Variants in AMER1 observed in about 807,000 individuals in gnomAD.
AMER1 encodes APC membrane recruitment protein 1.
In AMER1, 16 loss-of-function variants were observed where a neutral mutation model predicts 53.0. That is an observed-to-expected ratio of 0.30 (90% CI 0.20 to 0.46). AMER1 has a LOEUF of 0.46. AMER1 is among the 20% of genes least tolerant of loss of function. AMER1 has a pLI of 1.00. For missense variants in AMER1, 947 were observed against 884.9 expected (o/e 1.07, Z -0.89); for synonymous variants, 354 against 331.9 (o/e 1.07, Z -0.73).
rs901696537 is a variant in AMER1, at chrX:64,185,237, G to C, written c.*4642C>G. 6 of 159,862 alleles carry C rather than the reference G, an allele frequency of 3.8e-5. No homozygotes were observed. The highest frequency in any genetic ancestry group is 7.3e-5 in the Non-Finnish European group (6 of 82,309). The allele number at this position is 159,862 out of a possible 1,213,427, so 13.2% of individuals were successfully genotyped here. On this transcript the variant is annotated 3_prime_UTR_variant, in exon 2 of 2. Transcript: ENST00000374869. ...TGTCAGTGAGAGCTAGAAGTGGAGA[G>C]GTCAGAACCCGGGTGATTCTGTGAT...
At chrX:64,205,251 C>T (rs1460953959) in intron 1 of AMER1, among the ~76,000 whole-genome samples, 1 of 113,339 alleles carries the variant, frequency 8.8e-6, no homozygotes, top group African/African-American at 3.2e-5. Context: ...GCGCCCTTCC[C>T]GGGACTGTGC....
At position 64,193,114 on chromosome X, in the gene AMER1, T is replaced by C; in HGVS notation, c.173A>G (p.Lys58Arg). ...GPGRLKKTAM[K>R]LFGGKKGICT... The stretch of plus-strand genomic sequence containing the variant: ...GATACCCTTCTTGCCACCAAAGAGT[T>C]TCATGGCAGTTTTCTTCAGCCTACC... Residue 58 changes from lysine to arginine, a missense_variant, in exon 2 of 2, where the codon AAA (lysine) becomes AGA (arginine). By Grantham distance (26) the Lys-to-Arg change is conservative. Coordinates refer to ENST00000374869, the MANE Select transcript of AMER1 (RefSeq NM_152424.4). 1 of 1,211,970 alleles carries C rather than the reference T, an allele frequency of 8.3e-7. No individual in the cohort carries two copies.
chrX:64,200,586 T>C (rs1602071854), intron 1 of AMER1, among the ~76,000 whole-genome samples: 1 of 112,020 alleles, frequency 8.9e-6, no homozygotes, highest in Admixed American at 9.4e-5. Flanking sequence ...CCAGGGAGTC[T>C]GCTTGCTCCA....
At chrX:64,204,864 G>T in intron 1 of AMER1, among the ~76,000 whole-genome samples, 1 of 113,391 alleles carries the variant, frequency 8.8e-6, no homozygotes, top group Non-Finnish European at 1.9e-5. Flanking sequence ...GACCGCGGGG[G>T]CGGGCGCCAG....
At chrX:64,198,544 A>C (rs1930422789) in intron 1 of AMER1, among the ~76,000 whole-genome samples, 1 of 111,942 alleles carries the variant, frequency 8.9e-6, no homozygotes, top group South Asian at 3.7e-4. Flanking sequence ...TGCACTGTGC[A>C]GGCCACCAAT....
chrX:64,202,434 G>A (rs1390473198), intron 1 of AMER1, among the ~76,000 whole-genome samples: 2 of 111,777 alleles, frequency 1.8e-5, no homozygotes, highest in Non-Finnish European at 1.9e-5. Flanking sequence ...GCCACTGCAC[G>A]GGAAGCAGGA....
At position 64,189,162 on chromosome X, in the gene AMER1, C is replaced by T. The variant is rs755930835; in HGVS notation, c.*717G>A. On this transcript the variant is annotated 3_prime_UTR_variant, in exon 2 of 2. Transcript: ENST00000374869. ...CTGGTCATGATGCCAAAGTCCACAGCGATAGGCTGTGAGACACACGCTACT... is the reference window on the plus strand; with the variant it reads ...CTGGTCATGATGCCAAAGTCCACAGTGATAGGCTGTGAGACACACGCTACT... The T allele has an allele frequency of 4.5e-4, 361 of 797,527 alleles. No homozygotes were observed. Among genetic ancestry groups the T allele is most frequent in the Non-Finnish European group, 5.1e-4 (341 of 666,986 alleles). The allele number at this position is 797,527 out of a possible 1,213,427, so 65.7% of individuals were successfully genotyped here. A position where few individuals can be genotyped will look rare whatever the true frequency, so the allele number is the denominator to read the frequency against.
At position 64,188,307 on chromosome X, in the gene AMER1, C is replaced by T; in HGVS notation, c.*1572G>A. The T allele has an allele frequency of 1.2e-6, 1 of 801,752 alleles. No individual in the cohort carries two copies. The highest frequency in any genetic ancestry group is 6.3e-4 in the Middle Eastern group (1 of 1,576). 66.1% of individuals were successfully genotyped at this position (801,752 alleles called of 1,213,427 possible). A position where few individuals can be genotyped will look rare whatever the true frequency, so the allele number is the denominator to read the frequency against. On this transcript the variant is annotated 3_prime_UTR_variant, in exon 2 of 2. Coordinates refer to ENST00000374869, the MANE Select transcript of AMER1 (RefSeq NM_152424.4). ...TTCCATATGCCATTTCCAATAAAGA[C>T]ATGTAAAAGGAACCCTCTCCTACAG...
Position 64,191,447 on chromosome X carries a change from G to A in AMER1, c.1840C>T (p.His614Tyr), listed in dbSNP as rs1930242428. Reference protein sequence around the residue: ...YGREAYAREAHTWEAHGREAR... With the variant: ...YGREAYAREAYTWEAHGREAR... ...TCCCTGCCATGAGCTTCCCAAGTGT[G>A]GGCCTCCCTGGCATAGGCTTCCCTG... The change falls in exon 2 of 2, where the codon CAC becomes TAC. Residue 614 changes from histidine to tyrosine, a missense_variant. Transcript: ENST00000374869. 4 of 1,211,894 alleles carry A rather than the reference G, an allele frequency of 3.3e-6. No homozygotes were observed. Among genetic ancestry groups the A allele is most frequent in the Non-Finnish European group, 4.5e-6 (4 of 895,481 alleles).
Position 64,191,503 on chromosome X carries a change from G to A in AMER1, c.1784C>T (p.Ala595Val), listed in dbSNP as rs2147087432. The change falls in exon 2 of 2, where the codon GCC (alanine) becomes GTC (valine). Residue 595 changes from alanine to valine, a missense_variant. Physicochemically the swap from Ala to Val is moderately conservative, Grantham distance 64. Transcript: ENST00000374869. ...AGCCTCTCGAGTATAGGCCTCCCTG[G>A]CGTGGGCCTCCCTGGCATGAGCTTC... ...AREAHAREAH[A>V]REAYTREAYG... is the part of the protein sequence containing the mutation. 3 of 1,211,877 alleles carry A rather than the reference G, an allele frequency of 2.5e-6. No individual in the cohort carries two copies. The highest frequency in any genetic ancestry group is 3.4e-6 in the Non-Finnish European group (3 of 895,506).
Position 64,189,616 on chromosome X carries a change from G to T in AMER1, c.*263C>A. ...ATTACAGCATCCCAAACCCAGCGTG[G>T]GTCACAAGAAGAAACCTCGAAAGCA... On this transcript the variant is annotated 3_prime_UTR_variant, in exon 2 of 2. Coordinates refer to ENST00000374869, the MANE Select transcript of AMER1 (RefSeq NM_152424.4). The T allele has an allele frequency of 4.3e-6, 4 of 930,112 alleles. No individual in the cohort carries two copies. The highest frequency in any genetic ancestry group is 5.3e-6 in the Non-Finnish European group (4 of 752,536). The allele number at this position is 930,112 out of a possible 1,213,427, so 76.7% of individuals were successfully genotyped here.
At chrX:64,194,485 CA>C (rs1217518554) in intron 1 of AMER1, among the ~76,000 whole-genome samples, 2 of 111,749 alleles carry the variant, frequency 1.8e-5, no homozygotes, top group Non-Finnish European at 3.8e-5. Flanking sequence ...AGCCACTACC[CA>C]CCACAATATA....
chrX:64,187,433 C>T lies in AMER1; in HGVS notation c.*2446G>A. ...TCTGTGGTGTGTGACCTTCCAAAGCCCAACAAAGTGTGTCAGGGCTATGCC... is the reference window on the plus strand; with the variant it reads ...TCTGTGGTGTGTGACCTTCCAAAGCTCAACAAAGTGTGTCAGGGCTATGCC... On this transcript the variant is annotated 3_prime_UTR_variant, in exon 2 of 2. Coordinates refer to ENST00000374869, the MANE Select transcript of AMER1 (RefSeq NM_152424.4). The T allele has an allele frequency of 1.3e-6, 1 of 792,788 alleles. No individual in the cohort carries two copies. Among genetic ancestry groups the T allele is most frequent in the Non-Finnish European group, 1.5e-6 (1 of 662,431 alleles). The allele number at this position is 792,788 out of a possible 1,213,427, so 65.3% of individuals were successfully genotyped here.
rs1205241247 is a variant in AMER1 at position 64,189,514 on chromosome X, G to GTGTGTGTATA, written c.*364_*365insTATACACACA. 2.1e-4 allele frequency: 6 copies of GTGTGTGTATA among 28,062 alleles called. No homozygotes were observed. Among genetic ancestry groups the GTGTGTGTATA allele is most frequent in the African/African-American group, 1.0e-3 (6 of 5,951 alleles). 2.3% of individuals were successfully genotyped at this position (28,062 alleles called of 1,213,427 possible). A position where few individuals can be genotyped will look rare whatever the true frequency, so the allele number is the denominator to read the frequency against. On this transcript the variant is annotated 3_prime_UTR_variant, in exon 2 of 2. Transcript: ENST00000374869. The stretch of plus-strand genomic sequence containing the variant: ...TGTGTGTGTGTGTGTGTGTGTGTGT[G>GTGTGTGTATA]TATATATATATATATATATATATAT...
rs5918861 is a variant in AMER1 at position 64,186,698 on chromosome X, G to C, written c.*3181C>G. 1.2e-3 allele frequency: 958 copies of C among 773,521 alleles called. No homozygotes were observed. Among genetic ancestry groups the C allele is most frequent in the Non-Finnish European group, 1.4e-3 (935 of 651,228 alleles). The allele number at this position is 773,521 out of a possible 1,213,427, so 63.7% of individuals were successfully genotyped here. A position where few individuals can be genotyped will look rare whatever the true frequency, so the allele number is the denominator to read the frequency against. ...CTGGTGTTTACTGAACCCATTATCC[G>C]GGCAGTCTTGTGGCCTGGTACCCAA... is the stretch of plus-strand genomic sequence containing the variant. On this transcript the variant is annotated 3_prime_UTR_variant, in exon 2 of 2. Transcript: ENST00000374869.
chrX:64,188,759 G>A lies in AMER1; in HGVS notation c.*1120C>T. The A allele has an allele frequency of 1.2e-6, 1 of 802,685 alleles. No homozygotes were observed. Among genetic ancestry groups the A allele is most frequent in the African/African-American group, 2.2e-5 (1 of 45,945 alleles). The allele number at this position is 802,685 out of a possible 1,213,427, so 66.2% of individuals were successfully genotyped here. A position where few individuals can be genotyped will look rare whatever the true frequency, so the allele number is the denominator to read the frequency against. ...TCTGAAATCCCCTTTCTTGCTGGCT[G>A]TGATAAATGGACCCTCATTTTCTAT... On this transcript the variant is annotated 3_prime_UTR_variant, in exon 2 of 2. Transcript: ENST00000374869.
At position 64,190,705 on chromosome X, in the gene AMER1, C is replaced by A. The variant is rs2147085760; in HGVS notation, c.2582G>T (p.Gly861Val). The A allele has an allele frequency of 1.7e-6, 2 of 1,209,621 alleles. No homozygotes were observed. Among genetic ancestry groups the A allele is most frequent in the Non-Finnish European group, 2.2e-6 (2 of 894,437 alleles). The change falls in exon 2 of 2, where the codon GGC becomes GTC. Residue 861 changes from glycine (G) to valine (V), a missense_variant. Transcript: ENST00000374869. ...FNNYHSRFYQ[G>V]LPWGVSSLPR... is the part of the protein sequence containing the mutation. ...GAGGCTGCTCACACCCCAGGGCAGG[C>A]CTTGGTAGAATCGACTATGGTAGTT...
chrX:64,189,800 C>CCCCCCCCCCCCCCCTT lies in AMER1; in HGVS notation c.*78_*79insAAGGGGGGGGGGGGGG. On this transcript the variant is annotated 3_prime_UTR_variant, in exon 2 of 2. Coordinates refer to ENST00000374869, the MANE Select transcript of AMER1 (RefSeq NM_152424.4). ...TTTTCAAGTTAAACAACAACCCCCA[C>CCCCCCCCCCCCCCCTT]CCCCCCACCCTTCTGCCCAACCCCT... 4.3e-6 allele frequency: 1 copy of CCCCCCCCCCCCCCCTT among 230,986 alleles called. No homozygotes were observed. The highest frequency in any genetic ancestry group is 6.4e-6 in the Non-Finnish European group (1 of 156,057). The allele number at this position is 230,986 out of a possible 1,213,427, so 19.0% of individuals were successfully genotyped here. A position where few individuals can be genotyped will look rare whatever the true frequency, so the allele number is the denominator to read the frequency against.
In AMER1 at chrX:64,193,362, G is replaced by A; in HGVS notation, c.-76C>T. 3 of 1,194,804 alleles carry A rather than the reference G, an allele frequency of 2.5e-6. No homozygotes were observed. The Middle Eastern group carries it at 8.9e-4, about 355-fold the overall frequency. On this transcript the variant is annotated 5_prime_UTR_variant, in exon 2 of 2. Coordinates refer to ENST00000374869, the MANE Select transcript of AMER1 (RefSeq NM_152424.4). ...TCCAGGCACTGTTATAACATTATCA[G>A]TCAGGAAGCATCACAGTGGGGTCTG...
Sources: allele counts gnomAD v4.1 joint callset (sites outside exome capture counted in the v4.1 genomes callset), GRCh38; gene constraint gnomAD v4.1.1; transcripts MANE v1.5; gene names NCBI Gene and HGNC (gene_info 2026-07-23, HGNC 2026-07-21).